Variants in ACO2 observed in about 807,000 individuals in gnomAD.
ACO2 encodes aconitase 2, also known as aconitate hydratase, mitochondrial.
Under a neutral mutation model 84.5 loss-of-function variants are expected in ACO2, and 31 were observed. The observed-to-expected ratio is 0.37, with a 90% CI of 0.28 to 0.50. The LOEUF is 0.50. ACO2 is among the 20% of genes least tolerant of loss of function. The probability of loss-of-function intolerance (pLI) is 0.97; values close to 1 mark genes in which losing one functional copy is unlikely to be tolerated. For missense variants in ACO2, 685 were observed against 1,029.3 expected, an observed-to-expected ratio of 0.67 and a Z score of 4.58; for synonymous variants, 414 against 412.7, an observed-to-expected ratio of 1.00 and a Z score of -0.04.
chr22:41,524,719 CAG>C lies in ACO2; in HGVS notation c.1483-126_1483-125del, dbSNP rs2066562985. ...CTGCAGCTCTGGCCTCTGAGGAACA[CAG>C]GGGTCTGGGAAGAACATGGAAATTT... On this transcript the variant is annotated intron_variant, in intron 12 of 17. Coordinates refer to ENST00000216254, the MANE Select transcript of ACO2 (RefSeq NM_001098.3). 1.1e-5 allele frequency: 16 copies of C among 1,448,726 alleles called. No individual in the cohort carries two copies. In the South Asian group the frequency reaches 1.3e-4, roughly 11 times the overall value. The allele number at this position is 1,448,726 out of a possible 1,614,324, so 89.7% of individuals were successfully genotyped here. A position where few individuals can be genotyped will look rare whatever the true frequency, so the allele number is the denominator to read the frequency against.
At chr22:41,522,199 G>A (rs1027961143) in intron 9 of ACO2, among the ~76,000 whole-genome samples, 6 of 152,142 alleles carry the variant, frequency 3.9e-5, no homozygotes, top group Admixed American at 2.0e-4. Flanking sequence ...AGGTGTGGTG[G>A]TACTCACCTG....
rs1350783489 is a variant in ACO2 at position 41,528,931 on chromosome 22, A to G, written c.*318A>G. On this transcript the variant is annotated 3_prime_UTR_variant, in exon 18 of 18. Transcript: ENST00000216254. ...ATTTCATTGGTGGCTGAAGGATTCT[A>G]GAGAACCTTTTGTTCTTGCAAGGAA... The G allele has an allele frequency of 9.7e-6, 5 of 513,692 alleles. No individual in the cohort carries two copies. The highest frequency in any genetic ancestry group is 1.7e-5 in the Non-Finnish European group (5 of 290,974). The allele number at this position is 513,692 out of a possible 1,614,324, so 31.8% of individuals were successfully genotyped here. A position where few individuals can be genotyped will look rare whatever the true frequency, so the allele number is the denominator to read the frequency against.
At chr22:41,527,743 C>G in intron 16 of ACO2, 158 bp from the exon 17 acceptor site, 1 of 1,240,692 alleles carries the variant, frequency 8.1e-7, no homozygotes, top group East Asian at 2.4e-5. Flanking sequence ...AGGGGCACCC[C>G]TAGTGAAAGG....
At chr22:41,500,186 C>G (rs1209172549) in intron 2 of ACO2, among the ~76,000 whole-genome samples, 1 of 152,140 alleles carries the variant, frequency 6.6e-6, no homozygotes, top group East Asian at 1.9e-4. Context: ...CTCTGGAAGC[C>G]ACCAGGCCCA....
chr22:41,517,365 C>G (rs1196529842), intron 6 of ACO2, 162 bp from the exon 7 acceptor site: 1 of 628,006 alleles, frequency 1.6e-6, no homozygotes, highest in East Asian at 2.9e-5. Context: ...AGGTTTTTAC[C>G]CAGGGCCTCA....
At chr22:41,475,291 G>T (rs1263863381) in intron 1 of ACO2, among the ~76,000 whole-genome samples, 1 of 148,176 alleles carries the variant, frequency 6.7e-6, no homozygotes, top group Non-Finnish European at 1.5e-5. Flanking sequence ...TCCCACCCCA[G>T]CCTCCCTAGT....
chr22:41,512,186 A>G (rs1282725534), intron 4 of ACO2: 1 of 462,310 alleles, frequency 2.2e-6, no homozygotes, highest in African/African-American at 2.1e-5. Flanking sequence ...ATACCTCCTA[A>G]CCACCCAGGT....
chr22:41,525,760 A>C, intron 14 of ACO2: 1 of 225,294 alleles, frequency 4.4e-6, no homozygotes, highest in East Asian at 1.1e-4. Context: ...ACCCGTGGAT[A>C]TGGGATGGCT....
At position 41,469,127 on chromosome 22, in the gene ACO2, C is replaced by T. The variant is rs2037904912; in HGVS notation, c.-20C>T. The T allele has an allele frequency of 1.2e-6, 2 of 1,607,474 alleles. No homozygotes were observed. Among genetic ancestry groups the T allele is most frequent in the African/African-American group, 1.3e-5 (1 of 74,582 alleles). ...GTGGGACGTCACTTTAATGCGACCT[C>T]ATCTTTGTCAGTGCACAAAATGGCG... On this transcript the variant is annotated 5_prime_UTR_variant, in exon 1 of 18. Transcript: ENST00000216254.
chr22:41,492,420 TG>T (rs2066278248), intron 1 of ACO2, among the ~76,000 whole-genome samples: 1 of 152,124 alleles, frequency 6.6e-6, no homozygotes, highest in South Asian at 2.1e-4. Context: ...GCGGATCACC[TG>T]AGGTCAGGAG....
chr22:41,501,884 A>T (rs1441315910), intron 2 of ACO2, among the ~76,000 whole-genome samples: 1 of 152,118 alleles, frequency 6.6e-6, no homozygotes, highest in Admixed American at 6.5e-5. Flanking sequence ...ATTATAGTAA[A>T]GGACCTATTG....
At chr22:41,479,045 G>A (rs924056623) in intron 1 of ACO2, among the ~76,000 whole-genome samples, 5 of 152,188 alleles carry the variant, frequency 3.3e-5, no homozygotes, top group Admixed American at 6.5e-5. Context: ...TCATGAGTGT[G>A]TTCACAGAGC....
rs779101809 is a variant in ACO2 at position 41,515,505 on chromosome 22, T to G, written c.654T>G (p.Ala218=). Residue 218 remains alanine, a synonymous_variant, in exon 5 of 18, where the codon GCT becomes GCG. Coordinates refer to ENST00000216254, the MANE Select transcript of ACO2 (RefSeq NM_001098.3). This position sits in a 1 kb window ranked among gnomAD's most constrained non-coding sequence, Gnocchi z 5.8. The stretch of plus-strand genomic sequence containing the variant: ...GTGCCGATGCTGTGGATGTCATGGC[T>G]GGGATCCCCTGGGAGCTGAAGTGCC... ...VGGADAVDVM[A]GIPWELKCPK... 8.1e-6 allele frequency: 13 copies of G among 1,612,886 alleles called. No homozygotes were observed. In the Admixed American group the frequency reaches 2.0e-4, roughly 25 times the overall value.
At chr22:41,502,191 C>T (rs1414692228) in intron 2 of ACO2, among the ~76,000 whole-genome samples, 5 of 152,110 alleles carry the variant, frequency 3.3e-5, no homozygotes, top group African/African-American at 7.2e-5. Context: ...TTAAAAATGA[C>T]GGACACCTGG....
intron 1 of ACO2, among the ~76,000 whole-genome samples, chr22:41,497,573 A>G (rs1431359664): frequency 6.6e-6 from 1 of 151,378 alleles, no homozygotes; most frequent in African/African-American, 2.4e-5. Flanking sequence ...AGACCCTATC[A>G]CTACAAAAAA....
intron 2 of ACO2, among the ~76,000 whole-genome samples, chr22:41,504,304 C>T (rs962192755): frequency 1.3e-5 from 2 of 152,158 alleles, no homozygotes; most frequent in African/African-American, 4.8e-5. Context: ...ACTTCTCTTC[C>T]ACCTTGTGTC....
chr22:41,508,114 C>T (rs1184742187), intron 3 of ACO2, 65 bp downstream of exon 3: 1 of 1,548,984 alleles, frequency 6.5e-7, no homozygotes, highest in Non-Finnish European at 8.8e-7. Context: ...CTCACCCTCA[C>T]ACTGGAGCAA....
chr22:41,491,619 G>C (rs1347957651), intron 1 of ACO2, among the ~76,000 whole-genome samples: 1 of 152,140 alleles, frequency 6.6e-6, no homozygotes, highest in Admixed American at 6.6e-5. Context: ...TGCTGTTTCT[G>C]GCAACATCCA....
At chr22:41,523,741 T>G in intron 11 of ACO2, 89 bp from the exon 12 acceptor site, 1 of 1,224,398 alleles carries the variant, frequency 8.2e-7, no homozygotes, top group African/African-American at 1.5e-5. Context: ...TAGGCTGGGC[T>G]GCGCCACAGG....
Sources: allele counts gnomAD v4.1 joint callset (sites outside exome capture counted in the v4.1 genomes callset), GRCh38; gene constraint gnomAD v4.1.1; non-coding constraint Gnocchi (gnomAD v3.1); transcripts MANE v1.5; gene names NCBI Gene and HGNC (gene_info 2026-07-23, HGNC 2026-07-21).